FARP1: variants seen among roughly 807,000 people sequenced by gnomAD.
FARP1 encodes FERM, ARH/RhoGEF and pleckstrin domain protein 1.
A neutral mutation model predicts 128.8 loss-of-function variants in FARP1; 52 were observed. The observed-to-expected ratio is 0.40, with a 90% CI of 0.32 to 0.51. FARP1 has a LOEUF of 0.51. FARP1 is among the 20% of genes least tolerant of loss of function. The probability of loss-of-function intolerance (pLI) is 0.45; values close to 1 mark genes in which losing one functional copy is unlikely to be tolerated. For missense variants in FARP1, 1,333 were observed against 1,367.9 expected (o/e 0.97, Z 0.40); for synonymous variants, 580 against 551.8 (o/e 1.05, Z -0.72).
intron 1 of FARP1, among the ~76,000 whole-genome samples, chr13:98,190,351 CTGT>C (rs1879139965): frequency 6.6e-6 from 1 of 152,162 alleles, no homozygotes; most frequent in South Asian, 2.1e-4. Context: ...TTTTCTCAGG[CTGT>C]TGTTTCTAGA....
At position 98,449,324 on chromosome 13, in the gene FARP1, C is replaced by T. The variant is rs117771659; in HGVS notation, c.*1007C>T. 1.4e-4 allele frequency: 21 copies of T among 152,270 alleles called. No individual in the cohort carries two copies. The East Asian group carries it at 4.1e-3, about 29-fold the overall frequency. The allele number at this position is 152,270 out of a possible 1,614,324, so 9.4% of individuals were successfully genotyped here. A position where few individuals can be genotyped will look rare whatever the true frequency, so the allele number is the denominator to read the frequency against. ...TATATATCGTGCCTGTCTTCAAAAA[C>T]ATTTCCCTTTTTATACTCATTCCCC... On this transcript the variant is annotated 3_prime_UTR_variant, in exon 27 of 27. Coordinates refer to ENST00000319562, the MANE Select transcript of FARP1 (RefSeq NM_005766.4).
chr13:98,312,418 C>T (rs1200930315), intron 2 of FARP1, among the ~76,000 whole-genome samples: 1 of 152,122 alleles, frequency 6.6e-6, no homozygotes, highest in Non-Finnish European at 1.5e-5. Flanking sequence ...GGATTACAGG[C>T]GTGAGACACT....
chr13:98,409,456 C>G lies in FARP1; in HGVS notation c.1533C>G (p.Pro511=). ...NLSPDTKQAS[P]LISPLLNDQA... ...GCCCCGACACCAAGCAGGCCTCTCCCTTGATCAGCCCGCTGCTGAATGACC... is the reference window on the plus strand; with the variant it reads ...GCCCCGACACCAAGCAGGCCTCTCCGTTGATCAGCCCGCTGCTGAATGACC... The change falls in exon 14 of 27, where the codon CCC becomes CCG. Residue 511 remains proline (P), a synonymous_variant. Transcript: ENST00000319562. The G allele has an allele frequency of 1.2e-6, 2 of 1,614,100 alleles. No individual in the cohort carries two copies. Among genetic ancestry groups the G allele is most frequent in the Non-Finnish European group, 1.7e-6 (2 of 1,180,014 alleles).
intron 25 of FARP1, 118 bp downstream of exon 25, chr13:98,446,323 G>A: frequency 2.9e-6 from 2 of 678,886 alleles, no homozygotes; most frequent in South Asian, 1.8e-5. Context: ...TCACGGGGAT[G>A]ACAGGGATGC....
intron 13 of FARP1, chr13:98,406,739 T>C (rs1339991246): frequency 6.6e-6 from 1 of 152,346 alleles, no homozygotes; most frequent in Non-Finnish European, 1.5e-5. Flanking sequence ...GTCTCCTCTG[T>C]AGCACAGTGG....
chr13:98,165,214 C>CA (rs34285712), intron 1 of FARP1, among the ~76,000 whole-genome samples: 3,533 of 84,668 alleles, frequency 0.042, 268 homozygotes, highest in African/African-American at 0.12. Flanking sequence ...GACTCTGTCT[C>CA]AAAAAAAAAA....
intron 9 of FARP1, among the ~76,000 whole-genome samples, chr13:98,389,137 C>CT (rs1399007717): frequency 2.0e-5 from 3 of 152,240 alleles, no homozygotes; most frequent in Non-Finnish European, 4.4e-5. Flanking sequence ...AGTGTAGCTA[C>CT]AGTCTGGGTT....
intron 2 of FARP1, among the ~76,000 whole-genome samples, chr13:98,280,274 C>A (rs180911114): frequency 6.6e-6 from 1 of 152,230 alleles, no homozygotes; most frequent in East Asian, 1.9e-4. Context: ...CATGCCCTCC[C>A]CCTCCACACC....
At chr13:98,380,698 TG>T (rs904442185) in intron 6 of FARP1, among the ~76,000 whole-genome samples, 2 of 152,002 alleles carry the variant, frequency 1.3e-5, no homozygotes, top group African/African-American at 4.8e-5. Flanking sequence ...CTCAGCCTCC[TG>T]AGTAGCTGGG....
chr13:98,424,697 C>T (rs773676083), intron 17 of FARP1, 47 bp downstream of exon 17: 6 of 1,341,500 alleles, frequency 4.5e-6, no homozygotes, highest in South Asian at 3.5e-5. Context: ...CAAGGAGAAT[C>T]GAGCGGGGCT....
chr13:98,242,929 G>T (rs1191504912), intron 2 of FARP1, among the ~76,000 whole-genome samples: 1 of 152,192 alleles, frequency 6.6e-6, no homozygotes, highest in African/African-American at 2.4e-5. Context: ...AACTTAGGTT[G>T]TAGGCATTTA....
At chr13:98,341,866 G>T (rs1212406463) in intron 2 of FARP1, among the ~76,000 whole-genome samples, 1 of 152,130 alleles carries the variant, frequency 6.6e-6, no homozygotes, top group Admixed American at 6.5e-5. Context: ...CCAGTATGTA[G>T]AAAATGCATG....
chr13:98,162,221 T>C (rs1262819601), intron 1 of FARP1, among the ~76,000 whole-genome samples: 2 of 152,172 alleles, frequency 1.3e-5, no homozygotes, highest in African/African-American at 2.4e-5. Context: ...AAGTCTTAAG[T>C]GTCAGGGGAG....
intron 4 of FARP1, 108 bp downstream of exon 4, chr13:98,365,545 T>C: frequency 1.4e-6 from 1 of 709,406 alleles, no homozygotes; most frequent in Non-Finnish European, 2.4e-6. Flanking sequence ...CACAAATTCT[T>C]CTACCCCATA....
At chr13:98,355,598 G>A (rs1261283514) in intron 3 of FARP1, among the ~76,000 whole-genome samples, 2 of 152,086 alleles carry the variant, frequency 1.3e-5, no homozygotes, top group Non-Finnish European at 2.9e-5. Context: ...CCCTTACTTA[G>A]GGCAATTTTA....
intron 13 of FARP1, chr13:98,403,091 T>C (rs1890837222): frequency 6.6e-6 from 1 of 151,738 alleles, no homozygotes; most frequent in African/African-American, 2.4e-5. Context: ...GATGTCTTTT[T>C]TTTTTTTTTT....
chr13:98,253,075 G>A (rs1349873375), intron 2 of FARP1, among the ~76,000 whole-genome samples: 1 of 152,158 alleles, frequency 6.6e-6, no homozygotes, highest in Non-Finnish European at 1.5e-5. Flanking sequence ...TAGGGAGTGT[G>A]GTGCATTAAT....
chr13:98,423,144 C>T (rs1891652039), intron 16 of FARP1, among the ~76,000 whole-genome samples: 1 of 152,138 alleles, frequency 6.6e-6, no homozygotes, highest in Non-Finnish European at 1.5e-5. Flanking sequence ...ATTCTGGCCA[C>T]GCTGGCAGCC....
At chr13:98,211,389 C>T (rs970629081) in intron 1 of FARP1, among the ~76,000 whole-genome samples, 1 of 152,236 alleles carries the variant, frequency 6.6e-6, no homozygotes, top group African/African-American at 2.4e-5. Flanking sequence ...TTATGAGAAT[C>T]TAATGCCTGA....
Sources: allele counts gnomAD v4.1 joint callset (sites outside exome capture counted in the v4.1 genomes callset), GRCh38; gene constraint gnomAD v4.1.1; transcripts MANE v1.5; gene names NCBI Gene and HGNC (gene_info 2026-07-23, HGNC 2026-07-21).